The following PDE7B variants were observed in gnomAD, a reference collection of about 807,000 sequenced individuals.
PDE7B encodes the protein 3',5'-cyclic-AMP phosphodiesterase 7B.
A neutral mutation model predicts 56.2 loss-of-function variants in PDE7B; 29 were observed. That is an observed-to-expected ratio of 0.52 (90% confidence interval 0.38 to 0.70). PDE7B has a LOEUF of 0.70. PDE7B is among the 30% of genes least tolerant of loss of function. The pLI is 0.00. For synonymous variants in PDE7B, 197 were observed against 196.9 expected, an observed-to-expected ratio of 1.00 and a Z score of 0.00; for missense variants, 490 against 565.0, an observed-to-expected ratio of 0.87 and a Z score of 1.35.
intron 5 of PDE7B, among the ~76,000 whole-genome samples, 173 bp from the exon 6 acceptor site, chr6:136,150,987 C>A (rs536845531): frequency 6.6e-6 from 1 of 152,214 alleles, no homozygotes; most frequent in East Asian, 1.9e-4. Context: ...TAAGAAAAAA[C>A]CTAGGATCAG....
At chr6:136,011,652 G>C (rs868512368) in intron 2 of PDE7B, among the ~76,000 whole-genome samples, 3 of 152,040 alleles carry the variant, frequency 2.0e-5, no homozygotes, top group African/African-American at 4.8e-5. Context: ...ATCAGTGCAG[G>C]GAAGCATCCC....
chr6:135,901,045 A>G (rs1477599574), intron 1 of PDE7B, among the ~76,000 whole-genome samples: 1 of 152,226 alleles, frequency 6.6e-6, no homozygotes, highest in Non-Finnish European at 1.5e-5. Flanking sequence ...TAGAACTGCT[A>G]GAAATGTGAC....
chr6:135,905,648 G>C (rs962472689), intron 1 of PDE7B, among the ~76,000 whole-genome samples: 13 of 152,178 alleles, frequency 8.5e-5, no homozygotes, highest in African/African-American at 3.1e-4. Context: ...CATCGTGGAA[G>C]CCTAGTACCT....
At chr6:135,954,638 C>T (rs1379801190) in intron 2 of PDE7B, among the ~76,000 whole-genome samples, 2 of 152,154 alleles carry the variant, frequency 1.3e-5, no homozygotes, top group Admixed American at 6.6e-5. Context: ...CCTATTGCCA[C>T]AGAGTATATT....
chr6:136,000,695 C>G (rs899206189), intron 2 of PDE7B, among the ~76,000 whole-genome samples: 4 of 152,224 alleles, frequency 2.6e-5, no homozygotes, highest in African/African-American at 9.7e-5. Context: ...ATGCCTGTAG[C>G]TTTGTTCTTT....
intron 1 of PDE7B, among the ~76,000 whole-genome samples, chr6:135,877,752 CAA>C (rs75061563): frequency 2.1e-4 from 19 of 89,104 alleles, no homozygotes; most frequent in Non-Finnish European, 3.0e-4. Context: ...CAAAACAAAA[CAA>C]AAAAAAAAAA....
chr6:136,125,248 G>T (rs1778002686), intron 3 of PDE7B, among the ~76,000 whole-genome samples: 1 of 152,112 alleles, frequency 6.6e-6, no homozygotes, highest in Non-Finnish European at 1.5e-5. Flanking sequence ...CGTCAAATCT[G>T]TTTTTTATTG....
rs59388049 is a variant in PDE7B, at chr6:135,997,413, C to CAA, written c.82+49926_82+49927dup. On this transcript the variant is annotated intron_variant, in intron 2 of 12. Transcript: ENST00000308191. ...TAGCTGACAGAATGAGACCCTGTCTCAAAAAAAAAAAAAAAAAAAAAAAAA... is the reference window on the plus strand; with the variant it reads ...TAGCTGACAGAATGAGACCCTGTCTCAAAAAAAAAAAAAAAAAAAAAAAAAAA... Among the ~76,000 whole-genome samples, 14 of 10,714 alleles carry CAA rather than the reference C, an allele frequency of 1.3e-3. 2 individuals carry two copies. Among genetic ancestry groups the CAA allele is most frequent in the Admixed American group, 4.0e-3 (2 of 502 alleles). 7.0% of individuals were successfully genotyped at this position (10,714 alleles called of 152,430 possible).
At chr6:135,874,739 T>C (rs932503069) in intron 1 of PDE7B, among the ~76,000 whole-genome samples, 3 of 152,216 alleles carry the variant, frequency 2.0e-5, no homozygotes, top group African/African-American at 7.2e-5. Flanking sequence ...CAGAGCAAAC[T>C]TGTTAACTGT....
At chr6:135,884,473 G>A (rs1393596881) in intron 1 of PDE7B, among the ~76,000 whole-genome samples, 2 of 152,050 alleles carry the variant, frequency 1.3e-5, no homozygotes, top group Non-Finnish European at 2.9e-5. Flanking sequence ...TTCCTGATTC[G>A]ATATCACAGA....
intron 1 of PDE7B, among the ~76,000 whole-genome samples, chr6:135,916,818 C>T (rs1421031018): frequency 6.6e-6 from 1 of 151,946 alleles, no homozygotes; most frequent in Non-Finnish European, 1.5e-5. Flanking sequence ...TGTTTTCTTC[C>T]TATCCATGGC....
At chr6:136,053,329 A>G (rs1453825263) in intron 2 of PDE7B, among the ~76,000 whole-genome samples, 1 of 150,766 alleles carries the variant, frequency 6.6e-6, no homozygotes, top group Admixed American at 6.6e-5. Context: ...TGTCCTTGCA[A>G]TAGTTTGCTG....
chr6:135,974,813 A>G (rs1368878372), intron 2 of PDE7B, among the ~76,000 whole-genome samples: 1 of 152,174 alleles, frequency 6.6e-6, no homozygotes, highest in Non-Finnish European at 1.5e-5. Flanking sequence ...TTTCTGATCC[A>G]AAGGTTCAAA....
intron 2 of PDE7B, among the ~76,000 whole-genome samples, chr6:136,065,283 A>G (rs1015613448): frequency 6.6e-6 from 1 of 152,212 alleles, no homozygotes; most frequent in African/African-American, 2.4e-5. Flanking sequence ...CGTTTGCTTC[A>G]CAAAACCACC....
rs368211886 is a variant in PDE7B, at chr6:135,965,673, AT to A, written c.82+18150del. Among the ~76,000 whole-genome samples the A allele has an allele frequency of 5.0e-3, 757 of 152,258 alleles. 7 individuals are homozygous for A. The highest frequency in any genetic ancestry group is 0.016 in the African/African-American group (661 of 41,552). On this transcript the variant is annotated intron_variant, in intron 2 of 12. Transcript: ENST00000308191. Reference sequence around the variant, plus strand: ...ACTTATTCACTATTATGAGAACAGCATGGGAACCGAACCTCATGATTCGGTT... The same window carrying A: ...ACTTATTCACTATTATGAGAACAGCAGGGAACCGAACCTCATGATTCGGTT...
intron 3 of PDE7B, among the ~76,000 whole-genome samples, chr6:136,130,606 G>A (rs1778101171): frequency 6.6e-6 from 1 of 152,184 alleles, no homozygotes; most frequent in African/African-American, 2.4e-5. Flanking sequence ...CACAGCTGAA[G>A]TGGAAACATA....
chr6:136,015,400 G>A (rs186201064), intron 2 of PDE7B, among the ~76,000 whole-genome samples: 2 of 152,312 alleles, frequency 1.3e-5, no homozygotes, highest in Admixed American at 1.3e-4. Flanking sequence ...CAAGGTGACA[G>A]AGCAGACCAA....
intron 2 of PDE7B, among the ~76,000 whole-genome samples, chr6:136,089,378 G>T (rs1246534558): frequency 6.6e-6 from 1 of 152,140 alleles, no homozygotes. Flanking sequence ...TAAATAAATG[G>T]TTCCATGCTA....
At chr6:136,129,505 C>G (rs144355186) in intron 3 of PDE7B, among the ~76,000 whole-genome samples, 57 of 152,308 alleles carry the variant, frequency 3.7e-4, no homozygotes, top group African/African-American at 1.3e-3. Context: ...TCCCCACTCC[C>G]CACCCGAAGG....
Sources: gnomAD v4.1 joint callset for allele counts (sites outside exome capture counted in the v4.1 genomes callset) on GRCh38, gnomAD v4.1.1 for gene constraint, MANE v1.5 for transcripts, NCBI Gene and HGNC (gene_info 2026-07-23, HGNC 2026-07-21) for gene names.